ASIC2: variants seen among roughly 807,000 people sequenced by gnomAD.
ASIC2 encodes acid sensing ion channel subunit 2.
In ASIC2, 25 loss-of-function variants were observed where a neutral mutation model predicts 57.3. The observed-to-expected ratio is 0.44, with a 90% CI of 0.32 to 0.61. The LOEUF (loss-of-function observed/expected upper bound fraction) is 0.61. Ranked by LOEUF, ASIC2 falls within the 20% of genes least tolerant of loss-of-function variation. The pLI is 0.06. For synonymous variants in ASIC2, 319 were observed against 307.5 expected (o/e 1.04, Z -0.39); for missense variants, 641 against 738.1 (o/e 0.87, Z 1.52).
At chr17:33,815,726 C>T (rs907662540) in intron 1 of ASIC2, among the ~76,000 whole-genome samples, 3 of 152,148 alleles carry the variant, frequency 2.0e-5, no homozygotes, top group Non-Finnish European at 4.4e-5. Context: ...TGTTTACTCG[C>T]TTTACTGTCC....
intron 1 of ASIC2, among the ~76,000 whole-genome samples, chr17:33,214,159 C>T: frequency 6.6e-6 from 1 of 152,162 alleles, no homozygotes; most frequent in African/African-American, 2.4e-5. Flanking sequence ...CAGAAACATC[C>T]CTGGCTCCCA....
intron 1 of ASIC2, among the ~76,000 whole-genome samples, chr17:33,641,383 C>T (rs1906559977): frequency 6.6e-6 from 1 of 152,190 alleles, no homozygotes; most frequent in African/African-American, 2.4e-5. Flanking sequence ...CTCTGTTCTC[C>T]TTCTGCAGAC....
intron 1 of ASIC2, among the ~76,000 whole-genome samples, chr17:34,083,690 C>T (rs962499887): frequency 3.9e-5 from 6 of 152,126 alleles, no homozygotes; most frequent in Non-Finnish European, 8.8e-5. Context: ...CCTGTTGTTT[C>T]CTGACTTTTT....
At chr17:33,251,415 G>A (rs775159947) in intron 1 of ASIC2, among the ~76,000 whole-genome samples, 2 of 152,060 alleles carry the variant, frequency 1.3e-5, no homozygotes, top group Non-Finnish European at 2.9e-5. Context: ...CTGCAACCTC[G>A]AACCCCTAGG....
intron 1 of ASIC2, among the ~76,000 whole-genome samples, chr17:34,063,576 A>ACTG (rs1435308680): frequency 6.6e-6 from 1 of 152,160 alleles, no homozygotes. Flanking sequence ...AGGAAGTCAA[A>ACTG]CTGTCACTAT....
chr17:33,163,977 T>A (rs1905234182), intron 1 of ASIC2, among the ~76,000 whole-genome samples: 2 of 152,206 alleles, frequency 1.3e-5, no homozygotes, highest in Admixed American at 1.3e-4. Context: ...CAGGGACAAC[T>A]ACTGCGGATG....
intron 1 of ASIC2, among the ~76,000 whole-genome samples, chr17:33,140,915 A>G (rs7213961): frequency 0.32 from 48,789 of 152,232 alleles, 8,312 homozygotes; most frequent in East Asian, 0.43. Context: ...GAACCACAAG[A>G]CAGAACCACA....
chr17:33,333,345 A>T (rs929003667), intron 1 of ASIC2, among the ~76,000 whole-genome samples: 1 of 152,242 alleles, frequency 6.6e-6, no homozygotes, highest in African/African-American at 2.4e-5. Context: ...ATTGGATACA[A>T]TCCAGATGTC....
At chr17:33,962,053 C>T (rs781255049) in intron 1 of ASIC2, among the ~76,000 whole-genome samples, 10 of 152,116 alleles carry the variant, frequency 6.6e-5, no homozygotes, top group South Asian at 2.1e-4. Context: ...TCTAACACTC[C>T]GCACACTTGC....
chr17:33,323,107 GT>G (rs1316190888), intron 1 of ASIC2, among the ~76,000 whole-genome samples: 6 of 152,264 alleles, frequency 3.9e-5, no homozygotes, highest in African/African-American at 1.2e-4. Flanking sequence ...TAGTACAACT[GT>G]TTTGGAAAAC....
chr17:33,938,775 G>A (rs921228980), intron 1 of ASIC2, among the ~76,000 whole-genome samples: 1 of 152,206 alleles, frequency 6.6e-6, no homozygotes, highest in African/African-American at 2.4e-5. Context: ...CCTCCACCAA[G>A]CCTGAGAGGG....
At chr17:33,865,768 A>C (rs1475094067) in intron 1 of ASIC2, among the ~76,000 whole-genome samples, 7 of 80,032 alleles carry the variant, frequency 8.7e-5, no homozygotes, top group African/African-American at 3.5e-4. Context: ...ATAAAAAAAA[A>C]AAACAAAAAA....
At chr17:33,744,238 G>A (rs982233663) in intron 1 of ASIC2, among the ~76,000 whole-genome samples, 3 of 152,178 alleles carry the variant, frequency 2.0e-5, no homozygotes, top group Non-Finnish European at 4.4e-5. Flanking sequence ...AAACCTCAAA[G>A]ACTGGTCTCA....
At chr17:33,879,418 C>T (rs986995468) in intron 1 of ASIC2, among the ~76,000 whole-genome samples, 1 of 152,132 alleles carries the variant, frequency 6.6e-6, no homozygotes, top group African/African-American at 2.4e-5. Context: ...GGAAGATCTT[C>T]CAAACAAATG....
intron 1 of ASIC2, among the ~76,000 whole-genome samples, chr17:33,342,089 A>G (rs1907741943): frequency 6.6e-6 from 1 of 152,198 alleles, no homozygotes; most frequent in African/African-American, 2.4e-5. Flanking sequence ...ACAAACAGAG[A>G]TCAATTCACA....
Position 33,220,598 on chromosome 17 carries a change from T to C in ASIC2, c.708+70810A>G, listed in dbSNP as rs138523661. Among the ~76,000 whole-genome samples the C allele has an allele frequency of 3.6e-4, 55 of 152,284 alleles. No homozygotes were observed. The East Asian group carries it at 8.7e-3, about 24-fold the overall frequency. On this transcript the variant is annotated intron_variant, in intron 1 of 9. Transcript: ENST00000225823. ...CAATGTCTTTATCTATGGAAAAATA[T>C]ATAACTGGGTAGAATTTTTTGAGGA...
intron 3 of ASIC2, among the ~76,000 whole-genome samples, chr17:33,087,096 C>T (rs1385293224): frequency 6.6e-6 from 1 of 152,158 alleles, no homozygotes; most frequent in Non-Finnish European, 1.5e-5. Context: ...GCTTTGTTTA[C>T]TTTTGACAGT....
Position 33,684,495 on chromosome 17 carries a change from G to C in ASIC2, c.555+471483C>G, listed in dbSNP as rs1277148069. Among the ~76,000 whole-genome samples, 3 of 152,134 alleles carry C rather than the reference G, an allele frequency of 2.0e-5. No homozygotes were observed. In the East Asian group the frequency reaches 5.8e-4, roughly 29 times the overall value. ...CCCTGACCCTGGGTTGGGCGCGGGT[G>C]CTCTTCAGAGTGGCTCATTTTAGAG... On this transcript the variant is annotated intron_variant, in intron 1 of 9. Transcript: ENST00000359872.
At chr17:33,104,150 C>T (rs184570463) in intron 2 of ASIC2, among the ~76,000 whole-genome samples, 8 of 152,270 alleles carry the variant, frequency 5.3e-5, no homozygotes, top group East Asian at 3.9e-4. Flanking sequence ...CATCTATTTA[C>T]GGTTGTCTTT....
Sources: allele counts gnomAD v4.1 joint callset (sites outside exome capture counted in the v4.1 genomes callset), GRCh38; gene constraint gnomAD v4.1.1; transcripts MANE v1.5; gene names NCBI Gene and HGNC (gene_info 2026-07-23, HGNC 2026-07-21).